Variants in COG6 observed in about 807,000 individuals in gnomAD.
COG6 encodes component of oligomeric golgi complex 6, also known as conserved oligomeric Golgi complex subunit 6.
In COG6, 74 loss-of-function variants were observed where a neutral mutation model predicts 88.8. That is an observed-to-expected ratio of 0.83 (90% confidence interval 0.69 to 1.01). The LOEUF (loss-of-function observed/expected upper bound fraction) is 1.01, where lower values mean the gene tolerates loss of function less well. Ranked by LOEUF, COG6 falls within the 50% of genes least tolerant of loss-of-function variation. The pLI is 0.00. For synonymous variants in COG6, 286 were observed against 278.7 expected, an observed-to-expected ratio of 1.03 and a Z score of -0.26; for missense variants, 800 against 797.9, an observed-to-expected ratio of 1.00 and a Z score of -0.03.
Position 39,656,498 on chromosome 13 carries a change from A to G in COG6, c.153+619A>G, listed in dbSNP as rs535813977. ...AGATAAACTGACAGCATGCTCTCAC[A>G]AGTACCTCCTGAAACTTAAGTTGGA... is the stretch of plus-strand genomic sequence containing the variant. On this transcript the variant is annotated intron_variant, in intron 1 of 18. Transcript: ENST00000455146. Among the ~76,000 whole-genome samples the G allele has an allele frequency of 1.6e-3, 250 of 152,074 alleles. 1 individual carries two copies. Among genetic ancestry groups the G allele is most frequent in the Middle Eastern group, 0.01 (3 of 294 alleles).
chr13:39,671,429 G>C (rs546895384), intron 4 of COG6, among the ~76,000 whole-genome samples: 1 of 149,560 alleles, frequency 6.7e-6, no homozygotes. Context: ...TTGTGGGCAC[G>C]CTTCATTTAA....
intron 18 of COG6, among the ~76,000 whole-genome samples, chr13:39,759,275 T>G (rs1057393245): frequency 2.0e-5 from 3 of 152,194 alleles, no homozygotes; most frequent in African/African-American, 7.2e-5. Flanking sequence ...AGGCCTGTTC[T>G]CATGTCTTAA....
At chr13:39,750,346 C>T (rs924146835) in intron 18 of COG6, among the ~76,000 whole-genome samples, 4 of 152,070 alleles carry the variant, frequency 2.6e-5, no homozygotes, top group Non-Finnish European at 5.9e-5. Context: ...ATTTTGTAAA[C>T]ATTTGCAGGA....
chr13:39,694,524 T>C, intron 11 of COG6, 110 bp from the exon 12 acceptor site: 1 of 644,118 alleles, frequency 1.6e-6, no homozygotes, highest in Non-Finnish European at 2.8e-6. Flanking sequence ...TTTTGTGATC[T>C]CTGCAGTAAT....
At chr13:39,745,488 C>T (rs1880293515) in intron 18 of COG6, among the ~76,000 whole-genome samples, 1 of 152,166 alleles carries the variant, frequency 6.6e-6, no homozygotes, top group African/African-American at 2.4e-5. Flanking sequence ...AAAAAATGCT[C>T]ATCATCACTC....
At chr13:39,690,011 T>C (rs1593427927) in intron 11 of COG6, among the ~76,000 whole-genome samples, 187 bp downstream of exon 11, 1 of 151,936 alleles carries the variant, frequency 6.6e-6, no homozygotes, top group Non-Finnish European at 1.5e-5. Context: ...AGAAAGAAAA[T>C]TGGAAATATT....
At chr13:39,666,541 G>A (rs2137959198) in intron 4 of COG6, among the ~76,000 whole-genome samples, 1 of 152,226 alleles carries the variant, frequency 6.6e-6, no homozygotes, top group South Asian at 2.1e-4. Flanking sequence ...ACCAAAAATG[G>A]CAAGTACATG....
At chr13:39,731,956 A>T (rs967975416) in intron 18 of COG6, among the ~76,000 whole-genome samples, 2 of 152,174 alleles carry the variant, frequency 1.3e-5, no homozygotes, top group African/African-American at 4.8e-5. Context: ...TGGAATTCTT[A>T]TGTCAAAGGA....
chr13:39,692,106 G>A (rs1189117216), intron 11 of COG6, among the ~76,000 whole-genome samples: 1 of 151,986 alleles, frequency 6.6e-6, no homozygotes, highest in African/African-American at 2.4e-5. Context: ...ATTTGTAAAT[G>A]TATGCATTAA....
rs9603593 is a variant in COG6 at position 39,689,929 on chromosome 13, T to C, written c.1074+105T>C. 179,740 of 715,452 alleles carry C rather than the reference T, an allele frequency of 0.25. 23,317 individuals are homozygous for C. The highest frequency in any genetic ancestry group is 0.34 in the African/African-American group (18,993 of 55,656). The allele number at this position is 715,452 out of a possible 1,614,324, so 44.3% of individuals were successfully genotyped here. On this transcript the variant is annotated intron_variant, in intron 11 of 18. Transcript: ENST00000455146. ...TACCAGCTCAAATACAATCTATAAT[T>C]TTTTCAAATTAGCACACTAATGTAG...
intron 13 of COG6, among the ~76,000 whole-genome samples, chr13:39,703,581 T>A (rs1210027016): frequency 1.3e-5 from 2 of 152,138 alleles, no homozygotes; most frequent in African/African-American, 4.8e-5. Flanking sequence ...TCAATAGAAC[T>A]TTTTTTATAG....
At chr13:39,705,045 A>G (rs1877806657) in intron 13 of COG6, among the ~76,000 whole-genome samples, 1 of 152,188 alleles carries the variant, frequency 6.6e-6, no homozygotes, top group Non-Finnish European at 1.5e-5. Context: ...TATTAGTTAT[A>G]TCTTTTACTT....
chr13:39,771,705 G>A (rs1881322667), intron 18 of COG6, among the ~76,000 whole-genome samples: 1 of 152,208 alleles, frequency 6.6e-6, no homozygotes, highest in Admixed American at 6.5e-5. Flanking sequence ...ATCCCTGAAA[G>A]TAATGACTTG....
At chr13:39,720,671 C>G (rs1397170875) in intron 15 of COG6, among the ~76,000 whole-genome samples, 1 of 152,092 alleles carries the variant, frequency 6.6e-6, no homozygotes, top group Non-Finnish European at 1.5e-5. Flanking sequence ...ACATCTCTTT[C>G]TCATTTCTCC....
At chr13:39,746,368 TAGTA>T (rs1408465260) in intron 18 of COG6, among the ~76,000 whole-genome samples, 4 of 152,022 alleles carry the variant, frequency 2.6e-5, no homozygotes, top group South Asian at 2.1e-4. Flanking sequence ...TTGATCAAAA[TAGTA>T]AGTAAGTAAA....
downstream of COG6, among the ~76,000 whole-genome samples, chr13:39,757,089 A>G (rs185322427): frequency 7.4e-4 from 113 of 152,352 alleles, 1 homozygote; most frequent in South Asian, 7.0e-3. Flanking sequence ...ATGTTAGGCC[A>G]CAATACAAGT....
At chr13:39,711,867 T>G (rs1878258243) in intron 13 of COG6, among the ~76,000 whole-genome samples, 1 of 152,192 alleles carries the variant, frequency 6.6e-6, no homozygotes, top group Admixed American at 6.5e-5. Flanking sequence ...TTTGTCTTTG[T>G]TTTTGTTTTT....
At chr13:39,658,759 G>A (rs1161711545) in intron 1 of COG6, among the ~76,000 whole-genome samples, 2 of 152,092 alleles carry the variant, frequency 1.3e-5, no homozygotes, top group Admixed American at 6.6e-5. Context: ...CTACACTGAG[G>A]CCTCAGTTCA....
intron 2 of COG6, among the ~76,000 whole-genome samples, chr13:39,659,787 C>T (rs1874780080): frequency 6.6e-6 from 1 of 152,048 alleles, no homozygotes; most frequent in Non-Finnish European, 1.5e-5. Context: ...TTAACATTTC[C>T]CTGAATGGCT....
Sources: gnomAD v4.1 joint callset for allele counts (sites outside exome capture counted in the v4.1 genomes callset) on GRCh38, gnomAD v4.1.1 for gene constraint, MANE v1.5 for transcripts, NCBI Gene and HGNC (gene_info 2026-07-23, HGNC 2026-07-21) for gene names.